Variants in CSMD1 observed in about 807,000 individuals in gnomAD.
The protein encoded by CSMD1 is CUB and Sushi multiple domains 1, also known as CUB and sushi domain-containing protein 1.
In CSMD1, 213 loss-of-function variants were observed where a neutral mutation model predicts 417.5. That is an observed-to-expected ratio of 0.51 (90% CI 0.46 to 0.57). The LOEUF is 0.57. Ranked by LOEUF, CSMD1 falls within the 20% of genes least tolerant of loss-of-function variation. CSMD1 has a pLI of 0.00. For missense variants in CSMD1, 6,923 were observed against 4,529.7 expected, an observed-to-expected ratio of 1.53 and a Z score of -15.17; for synonymous variants, 2,862 against 1,736.8, an observed-to-expected ratio of 1.65 and a Z score of -16.11.
chr8:3,860,417 G>T (rs1804619068), intron 5 of CSMD1, among the ~76,000 whole-genome samples: 1 of 152,004 alleles, frequency 6.6e-6, no homozygotes, highest in Admixed American at 6.6e-5. Context: ...ATGTTTCTAT[G>T]TTACTAAAAC....
chr8:4,826,289 GTATATGTATGTGTGTA>G (rs1563510722), intron 1 of CSMD1, among the ~76,000 whole-genome samples: 1 of 151,610 alleles, frequency 6.6e-6, no homozygotes, highest in Non-Finnish European at 1.5e-5. Flanking sequence ...ACACACATAC[GTATATGTATGTGTGTA>G]TATATGTGTG....
intron 25 of CSMD1, among the ~76,000 whole-genome samples, chr8:3,304,378 A>C (rs1459614403): frequency 6.6e-6 from 1 of 152,166 alleles, no homozygotes; most frequent in East Asian, 1.9e-4. Context: ...GTATTAGTAC[A>C]ATTTTAAGTA....
chr8:4,463,073 A>G (rs1799935464), intron 2 of CSMD1, among the ~76,000 whole-genome samples: 1 of 152,220 alleles, frequency 6.6e-6, no homozygotes. Flanking sequence ...TGGAATACAT[A>G]AAGATCTCTT....
chr8:3,002,876 C>T (rs895085452), intron 52 of CSMD1, among the ~76,000 whole-genome samples: 3 of 152,172 alleles, frequency 2.0e-5, no homozygotes, highest in Non-Finnish European at 1.5e-5. Context: ...GGAATTGGCA[C>T]CAAATGCCTA....
chr8:3,911,208 G>GC lies in CSMD1; in HGVS notation c.818+86694dup. Among the ~76,000 whole-genome samples, 3 of 152,292 alleles carry GC rather than the reference G, an allele frequency of 2.0e-5. No homozygotes were observed. The Middle Eastern group carries it at 0.01, about 518-fold the overall frequency. ...ACGGGTCTCTGGGGACTAGATGTCAGCATCTCTCTTGAATGCTCATTCCAA... is the reference window on the plus strand; with the variant it reads ...ACGGGTCTCTGGGGACTAGATGTCAGCCATCTCTCTTGAATGCTCATTCCAA... On this transcript the variant is annotated intron_variant, in intron 5 of 69. Transcript: ENST00000635120.
At chr8:3,340,367 C>G (rs373830684) in intron 23 of CSMD1, among the ~76,000 whole-genome samples, 2 of 151,958 alleles carry the variant, frequency 1.3e-5, no homozygotes, top group African/African-American at 2.4e-5. Context: ...TTGTTTGTAC[C>G]CATTTCTAAA....
At chr8:4,461,302 C>G (rs138170987) in intron 2 of CSMD1, among the ~76,000 whole-genome samples, 212 of 152,062 alleles carry the variant, frequency 1.4e-3, no homozygotes, top group East Asian at 7.5e-3. Flanking sequence ...TGAACATTTT[C>G]TGCCTAAAAT....
At chr8:4,441,264 T>TG (rs1416088069) in intron 2 of CSMD1, among the ~76,000 whole-genome samples, 2 of 136,772 alleles carry the variant, frequency 1.5e-5, no homozygotes, top group Admixed American at 7.3e-5. Context: ...CACTCAGTTT[T>TG]TTTTTTTTTT....
At chr8:3,173,902 TCAATTATGG>T (rs1424151176) in intron 37 of CSMD1, among the ~76,000 whole-genome samples, 1 of 152,228 alleles carries the variant, frequency 6.6e-6, no homozygotes, top group Non-Finnish European at 1.5e-5. Flanking sequence ...TTATCTGTAT[TCAATTATGG>T]CAACGTCCTG....
At chr8:4,900,252 A>C (rs1055979836) in intron 1 of CSMD1, among the ~76,000 whole-genome samples, 1 of 152,162 alleles carries the variant, frequency 6.6e-6, no homozygotes, top group South Asian at 2.1e-4. Context: ...TTCACCTGCC[A>C]GTGTCACCTT....
intron 4 of CSMD1, among the ~76,000 whole-genome samples, chr8:4,028,202 C>G (rs75983161): frequency 1.3e-5 from 2 of 152,144 alleles, no homozygotes; most frequent in African/African-American, 4.8e-5. Flanking sequence ...ATATGAATTT[C>G]TCTAGGACAG....
chr8:3,495,414 G>C (rs1279832260), intron 10 of CSMD1, among the ~76,000 whole-genome samples: 10 of 152,108 alleles, frequency 6.6e-5, no homozygotes, highest in Admixed American at 6.5e-4. Context: ...GTACAGATAG[G>C]GGTCACACTA....
chr8:4,457,537 C>T (rs1260497607), intron 2 of CSMD1, among the ~76,000 whole-genome samples: 2 of 152,062 alleles, frequency 1.3e-5, no homozygotes, highest in African/African-American at 2.4e-5. Flanking sequence ...AAGAAAATTT[C>T]AATTTTATAC....
intron 1 of CSMD1, among the ~76,000 whole-genome samples, chr8:4,872,730 T>C (rs1802806924): frequency 6.6e-6 from 1 of 152,108 alleles, no homozygotes; most frequent in Admixed American, 6.5e-5. Flanking sequence ...GAAGAGCCTG[T>C]GGATTAAAAG....
intron 2 of CSMD1, among the ~76,000 whole-genome samples, chr8:4,539,072 T>C (rs1242166243): frequency 6.6e-6 from 1 of 152,204 alleles, no homozygotes; most frequent in Admixed American, 6.5e-5. Context: ...ATGTGTGGCT[T>C]TTGTTTTTCT....
intron 25 of CSMD1, among the ~76,000 whole-genome samples, chr8:3,284,896 C>G (rs572007119): frequency 2.3e-4 from 35 of 152,106 alleles, no homozygotes; most frequent in Non-Finnish European, 4.6e-4. Flanking sequence ...ATTTAAAATA[C>G]CAACAGAAAG....
At chr8:4,957,071 G>T (rs139492175) in intron 1 of CSMD1, among the ~76,000 whole-genome samples, 1 of 152,296 alleles carries the variant, frequency 6.6e-6, no homozygotes, top group Admixed American at 6.5e-5. Context: ...TGAGACTGTT[G>T]CCAGATATGC....
At chr8:3,678,351 T>C (rs1453996071) in intron 7 of CSMD1, among the ~76,000 whole-genome samples, 1 of 152,180 alleles carries the variant, frequency 6.6e-6, no homozygotes, top group Non-Finnish European at 1.5e-5. Flanking sequence ...AAGGACCTGA[T>C]GGAGCTGAAA....
intron 54 of CSMD1, among the ~76,000 whole-genome samples, chr8:2,981,601 T>A (rs887906436): frequency 1.3e-5 from 2 of 152,090 alleles, no homozygotes; most frequent in Admixed American, 1.3e-4. Context: ...CTGGGAGGAA[T>A]GAGAACACTG....
Sources: gnomAD v4.1 joint callset for allele counts (sites outside exome capture counted in the v4.1 genomes callset) on GRCh38, gnomAD v4.1.1 for gene constraint, MANE v1.5 for transcripts, NCBI Gene and HGNC (gene_info 2026-07-23, HGNC 2026-07-21) for gene names.